The following RAD18 variants were observed in gnomAD, a reference collection of about 807,000 sequenced individuals.
RAD18 encodes the protein E3 ubiquitin-protein ligase RAD18.
A neutral mutation model predicts 60.4 loss-of-function variants in RAD18; 47 were observed. The ratio of observed to expected loss-of-function variants is 0.78; its 90% CI spans 0.62 to 0.99. The LOEUF is 0.99. Ranked by LOEUF, RAD18 falls within the 50% of genes least tolerant of loss-of-function variation. The pLI is 0.00. For missense variants in RAD18, 640 were observed against 593.3 expected (o/e 1.08, Z -0.82); for synonymous variants, 225 against 195.5 (o/e 1.15, Z -1.26).
intron 9 of RAD18, among the ~76,000 whole-genome samples, chr3:8,902,981 G>A (rs976470760): frequency 1.3e-4 from 20 of 151,104 alleles, no homozygotes; most frequent in Non-Finnish European, 2.5e-4. Flanking sequence ...ACCCGAGATT[G>A]CACCACTGCA....
chr3:8,890,602 G>T, intron 11 of RAD18, 151 bp from the exon 12 acceptor site: 1 of 552,020 alleles, frequency 1.8e-6, no homozygotes, highest in East Asian at 2.9e-5. Context: ...GTGGGGGTGG[G>T]CAAGGAAAGA....
intron 12 of RAD18, among the ~76,000 whole-genome samples, chr3:8,887,183 G>A (rs747797585): frequency 3.9e-5 from 6 of 152,196 alleles, no homozygotes; most frequent in Non-Finnish European, 8.8e-5. Flanking sequence ...TACTGAATCA[G>A]AATCTCTAGG....
chr3:8,898,949 T>C lies in RAD18; in HGVS notation c.1267A>G (p.Ser423Gly). 1.9e-6 allele frequency: 3 copies of C among 1,608,396 alleles called. No individual in the cohort carries two copies. Among genetic ancestry groups the C allele is most frequent in the Non-Finnish European group, 1.7e-6 (2 of 1,176,206 alleles). ...AGAACTTCTTGAATATCAATACAGC[T>C]AGAAGAATCCTCTTCTCTGTCAGGT... ...LEPDREEDSS[S>G]CIDIQEVLSS... The change falls in exon 11 of 13, where the codon AGC becomes GGC. Residue 423 changes from serine to glycine, a missense_variant. Ser to Gly is a moderately conservative substitution (Grantham distance 56). Coordinates refer to ENST00000264926, the MANE Select transcript of RAD18 (RefSeq NM_020165.4).
chr3:8,926,680 A>C (rs1351223653), intron 7 of RAD18, among the ~76,000 whole-genome samples: 1 of 152,228 alleles, frequency 6.6e-6, no homozygotes, highest in Non-Finnish European at 1.5e-5. Flanking sequence ...TACAGTAACC[A>C]AAACAGCATG....
chr3:8,915,147 C>CAGAA (rs1553625724), intron 7 of RAD18, among the ~76,000 whole-genome samples: 1 of 101,458 alleles, frequency 9.9e-6, no homozygotes, highest in Non-Finnish European at 1.9e-5. Flanking sequence ...GACTCCGTCT[C>CAGAA]AAAAAAAAAA....
chr3:8,927,897 C>A (rs1480085376), intron 7 of RAD18, among the ~76,000 whole-genome samples: 7 of 142,214 alleles, frequency 4.9e-5, no homozygotes, highest in Non-Finnish European at 1.1e-4. Flanking sequence ...ACATCACACA[C>A]TGGGGCCTGT....
At position 8,958,955 on chromosome 3, in the gene RAD18, T is replaced by G; in HGVS notation, c.98A>C (p.Asn33Thr). The G allele has an allele frequency of 6.2e-7, 1 of 1,613,942 alleles. No homozygotes were observed. The highest frequency in any genetic ancestry group is 8.5e-7 in the Non-Finnish European group (1 of 1,179,838). The change falls in exon 2 of 13, where the codon AAC (asparagine) becomes ACC (threonine). Residue 33 changes from asparagine (N) to threonine (T), a missense_variant. Transcript: ENST00000264926. ...ACACTGAGGTATTATCATTGCAATGTTGAAATACTCGAAGCAAATTCCACA... is the reference window on the plus strand; with the variant it reads ...ACACTGAGGTATTATCATTGCAATGGTGAAATACTCGAAGCAAATTCCACA... ...LRCGICFEYF[N>T]IAMIIPQCSH...
intron 4 of RAD18, 120 bp downstream of exon 4, chr3:8,947,100 C>T: frequency 1.3e-6 from 1 of 743,090 alleles, no homozygotes; most frequent in South Asian, 1.9e-5. Flanking sequence ...CTGTTACTTC[C>T]CTTCTTTGAC....
At chr3:8,942,643 A>C (rs1280770067) in intron 4 of RAD18, among the ~76,000 whole-genome samples, 1 of 152,230 alleles carries the variant, frequency 6.6e-6, no homozygotes, top group Non-Finnish European at 1.5e-5. Flanking sequence ...AGGAATGGGT[A>C]CTAAAGTGAA....
At chr3:8,914,980 T>TA (rs147971655) in intron 7 of RAD18, among the ~76,000 whole-genome samples, 2 of 151,648 alleles carry the variant, frequency 1.3e-5, no homozygotes, top group East Asian at 1.9e-4. Context: ...CCACTAAAAA[T>TA]AAAAAAAAAT....
chr3:8,946,675 C>T (rs1413563343), intron 4 of RAD18, among the ~76,000 whole-genome samples: 3 of 152,228 alleles, frequency 2.0e-5, no homozygotes, highest in African/African-American at 7.2e-5. Context: ...AATGCCATAC[C>T]ATTTAATACA....
rs191673165 is a variant in RAD18 at position 8,886,381 on chromosome 3, C to T, written c.1385+4008G>A. Among the ~76,000 whole-genome samples the T allele has an allele frequency of 5.8e-4, 88 of 152,254 alleles. No homozygotes were observed. The South Asian group carries it at 6.6e-3, about 11-fold the overall frequency. On this transcript the variant is annotated intron_variant, in intron 12 of 12. Coordinates refer to ENST00000264926, the MANE Select transcript of RAD18 (RefSeq NM_020165.4). ...TGTTTTTAAGGTTTCTATGGGTCCC[C>T]TTGGCCAATAGGGGAGTCTCTTCAG...
intron 9 of RAD18, among the ~76,000 whole-genome samples, chr3:8,909,269 T>G (rs1378700681): frequency 6.6e-6 from 1 of 152,162 alleles, no homozygotes; most frequent in African/African-American, 2.4e-5. Context: ...TTACAAACTG[T>G]AGCTTAAGAG....
At chr3:8,912,223 T>C in intron 9 of RAD18, 89 bp downstream of exon 9, 1 of 1,041,140 alleles carries the variant, frequency 9.6e-7, no homozygotes, top group South Asian at 1.6e-5. Context: ...GAATTGAACC[T>C]TAATATAAAA....
intron 7 of RAD18, among the ~76,000 whole-genome samples, chr3:8,934,398 A>G (rs1940615473): frequency 6.6e-6 from 1 of 152,246 alleles, no homozygotes; most frequent in Non-Finnish European, 1.5e-5. Flanking sequence ...CCCACAAATA[A>G]GAATAAAAAT....
At chr3:8,929,314 A>C (rs59354431) in intron 7 of RAD18, among the ~76,000 whole-genome samples, 5,497 of 152,196 alleles carry the variant, frequency 0.036, 337 homozygotes, top group African/African-American at 0.12. Flanking sequence ...GATTCTTTAG[A>C]AAAACGAGAA....
At chr3:8,956,025 CAT>C (rs1271964748) in intron 2 of RAD18, among the ~76,000 whole-genome samples, 12 of 152,118 alleles carry the variant, frequency 7.9e-5, no homozygotes, top group Non-Finnish European at 1.3e-4. Context: ...ATAACAATAA[CAT>C]AGAATTAAAA....
intron 1 of RAD18, 82 bp from the exon 2 acceptor site, chr3:8,959,083 T>A: frequency 8.6e-6 from 8 of 928,708 alleles, no homozygotes; most frequent in Admixed American, 4.4e-5. Context: ...CTCTATCCCC[T>A]AAAAAAAAAA....
chr3:8,918,414 G>A (rs983634472), intron 7 of RAD18, among the ~76,000 whole-genome samples: 1 of 150,168 alleles, frequency 6.7e-6, no homozygotes, highest in East Asian at 2.0e-4. Context: ...CCCTAAAACA[G>A]AAATTTAAAA....
Sources: allele counts gnomAD v4.1 joint callset (sites outside exome capture counted in the v4.1 genomes callset), GRCh38; gene constraint gnomAD v4.1.1; transcripts MANE v1.5; gene names NCBI Gene and HGNC (gene_info 2026-07-23, HGNC 2026-07-21).